CDK7: variants seen among roughly 807,000 people sequenced by gnomAD.
CDK7 encodes cyclin-dependent kinase 7.
A neutral mutation model predicts 49.1 loss-of-function variants in CDK7; 25 were observed. The observed-to-expected ratio is 0.51, with a 90% CI of 0.37 to 0.71. The LOEUF (loss-of-function observed/expected upper bound fraction) is 0.71, where lower values mean the gene tolerates loss of function less well. Ranked by LOEUF, CDK7 falls within the 30% of genes least tolerant of loss-of-function variation. CDK7 has a pLI of 0.00. For synonymous variants in CDK7, 107 were observed against 140.0 expected (o/e 0.76, Z 1.67); for missense variants, 316 against 411.7 (o/e 0.77, Z 2.01).
intron 7 of CDK7, 83 bp from the exon 8 acceptor site, chr5:69,262,122 C>T: frequency 6.4e-7 from 1 of 1,564,194 alleles, no homozygotes; most frequent in South Asian, 1.1e-5. Flanking sequence ...AAACAGAAAA[C>T]AGACAAGGAT....
intron 2 of CDK7, among the ~76,000 whole-genome samples, chr5:69,243,824 T>C (rs1749538243): frequency 7.6e-6 from 1 of 130,760 alleles, no homozygotes; most frequent in Non-Finnish European, 1.6e-5. Context: ...CCAATGATAG[T>C]TGTTTTTTTT....
In CDK7 at chr5:69,251,120, C is replaced by CAA. The variant is rs913188028; in HGVS notation, c.127-1297_127-1296insAA. Among the ~76,000 whole-genome samples, 5 of 140,348 alleles carry CAA rather than the reference C, an allele frequency of 3.6e-5. No individual in the cohort carries two copies. In the Admixed American group the frequency reaches 3.8e-4, roughly 11 times the overall value. The allele number at this position is 140,348 out of a possible 152,430, so 92.1% of individuals were successfully genotyped here. On this transcript the variant is annotated intron_variant, in intron 2 of 11. Coordinates refer to ENST00000256443, the MANE Select transcript of CDK7 (RefSeq NM_001799.4). ...AACTTTTTTTTTTTTTTTTTCGAGA[C>CAA]AGAGTCTCGCTCTGTCACCCAGGCT...
At position 69,272,880 on chromosome 5, in the gene CDK7, T is replaced by C. The variant is rs1358541987; in HGVS notation, c.715-12T>C. ...TAATCCTTAAGTTTGAATTACAAAA[T>C]TATTTTTACAGGACATGTGTAGTCT... is the stretch of plus-strand genomic sequence containing the variant. On this transcript the variant is annotated splice_polypyrimidine_tract_variant and intron_variant, in intron 9 of 11. Coordinates refer to ENST00000256443, the MANE Select transcript of CDK7 (RefSeq NM_001799.4). The C allele has an allele frequency of 1.3e-6, 2 of 1,543,048 alleles. No individual in the cohort carries two copies. The highest frequency in any genetic ancestry group is 2.5e-5 in the South Asian group (2 of 79,580).
At position 69,234,980 on chromosome 5, in the gene CDK7, C is replaced by A; in HGVS notation, c.5C>A (p.Ala2Asp). 3.1e-6 allele frequency: 5 copies of A among 1,596,298 alleles called. No individual in the cohort carries two copies. Among genetic ancestry groups the A allele is most frequent in the Non-Finnish European group, 4.3e-6 (5 of 1,171,802 alleles). Residue 2 changes from alanine (A) to aspartate (D), a missense_variant, in exon 1 of 12, where the codon GCT (alanine) becomes GAT (aspartate). Coordinates refer to ENST00000256443, the MANE Select transcript of CDK7 (RefSeq NM_001799.4). ...AGTCGGGCTTTACGGCGCCGGATGG[C>A]TCTGGACGTGAAGTCTCGGGCAAAG... M[A>D]LDVKSRAKRY...
intron 2 of CDK7, among the ~76,000 whole-genome samples, chr5:69,247,488 T>A (rs928089627): frequency 6.6e-6 from 1 of 151,592 alleles, no homozygotes; most frequent in Admixed American, 6.6e-5. Context: ...GTGCTTCTTG[T>A]AGGCAACAGA....
chr5:69,243,389 A>C (rs1749511341), intron 2 of CDK7, among the ~76,000 whole-genome samples: 2 of 152,212 alleles, frequency 1.3e-5, no homozygotes, highest in African/African-American at 4.8e-5. Context: ...CATTTATTGA[A>C]GAAACTGTCT....
chr5:69,247,729 TA>T (rs1374011719), intron 2 of CDK7, among the ~76,000 whole-genome samples: 3 of 152,210 alleles, frequency 2.0e-5, no homozygotes, highest in Non-Finnish European at 4.4e-5. Flanking sequence ...TCTTAATTTT[TA>T]TTTTTTTGTG....
intron 3 of CDK7, 39 bp downstream of exon 3, chr5:69,252,490 T>C (rs771855761): frequency 2.1e-6 from 2 of 971,396 alleles, no homozygotes; most frequent in Admixed American, 2.9e-5. Context: ...GGAAAAGTTT[T>C]CTCCTTTTTT....
chr5:69,264,438 G>C (rs949420757), intron 8 of CDK7, among the ~76,000 whole-genome samples: 2 of 152,152 alleles, frequency 1.3e-5, no homozygotes, highest in Non-Finnish European at 2.9e-5. Flanking sequence ...CCAGCTACGT[G>C]CGAGGCTGAG....
In CDK7 at chr5:69,262,274, T is replaced by C. The variant is rs1750876281; in HGVS notation, c.597T>C (p.Val199=). 6.2e-7 allele frequency: 1 copy of C among 1,614,076 alleles called. No homozygotes were observed. Among genetic ancestry groups the C allele is most frequent in the East Asian group, 2.2e-5 (1 of 44,902 alleles). ...GTGTAGGTGTGGACATGTGGGCTGT[T>C]GGCTGTATATTAGCAGAGTTACTTC... The part of the protein sequence containing the change: ...MYGVGVDMWA[V]GCILAELLLR... Residue 199 remains valine, a synonymous_variant, in exon 8 of 12, where the codon GTT becomes GTC. Coordinates refer to ENST00000256443, the MANE Select transcript of CDK7 (RefSeq NM_001799.4).
intron 2 of CDK7, among the ~76,000 whole-genome samples, chr5:69,241,321 T>G (rs960203729): frequency 3.7e-5 from 5 of 134,240 alleles, no homozygotes; most frequent in East Asian, 4.2e-4. Context: ...TTTCTTTTTT[T>G]TTTTTTTTTT....
At chr5:69,252,386 A>G (rs767390010) in intron 2 of CDK7, 32 bp from the exon 3 acceptor site, 20 of 1,314,646 alleles carry the variant, frequency 1.5e-5, no homozygotes, top group Non-Finnish European at 2.0e-5. Context: ...ACACATTTTT[A>G]ATATATTTGG....
intron 2 of CDK7, chr5:69,250,938 G>C: frequency 8.8e-6 from 4 of 453,188 alleles, no homozygotes; most frequent in South Asian, 6.2e-5. Flanking sequence ...GGGTTTTTTT[G>C]TTTGTTAGAA....
At chr5:69,245,461 C>T (rs542531854) in intron 2 of CDK7, among the ~76,000 whole-genome samples, 61 of 152,018 alleles carry the variant, frequency 4.0e-4, no homozygotes, top group African/African-American at 1.4e-3. Context: ...CTGCCTCAGC[C>T]TCCCAAGTAG....
chr5:69,268,223 A>T (rs1348987529), intron 8 of CDK7, among the ~76,000 whole-genome samples: 1 of 152,034 alleles, frequency 6.6e-6, no homozygotes, highest in African/African-American at 2.4e-5. Context: ...TGCTCTTTCC[A>T]TGTGGTCTAG....
intron 2 of CDK7, among the ~76,000 whole-genome samples, chr5:69,236,954 C>CTTT (rs4053029): frequency 4.0e-3 from 332 of 83,084 alleles, no homozygotes; most frequent in East Asian, 0.015. Context: ...GCCTGGCCTT[C>CTTT]TTTTTTTTTT....
intron 2 of CDK7, among the ~76,000 whole-genome samples, chr5:69,248,802 C>CGT (rs551598193): frequency 1.2e-4 from 11 of 92,276 alleles, no homozygotes; most frequent in Admixed American, 8.4e-4. Flanking sequence ...TTTTTTTTTT[C>CGT]TTTTTTTTTT....
At chr5:69,254,919 C>T (rs553768630) in intron 4 of CDK7, among the ~76,000 whole-genome samples, 2 of 152,308 alleles carry the variant, frequency 1.3e-5, no homozygotes, top group South Asian at 4.1e-4. Flanking sequence ...GGAGCTCTAG[C>T]ATGTAGTGGC....
In CDK7 at chr5:69,269,306, G is replaced by A. The variant is rs748678370; in HGVS notation, c.714+13G>A. Reference sequence around the variant, plus strand: ...GGAACAGTGGCCGGTAAGCCTTTATGCATTTTCTTTGAAATGTAATTAGGA... The same window carrying A: ...GGAACAGTGGCCGGTAAGCCTTTATACATTTTCTTTGAAATGTAATTAGGA... On this transcript the variant is annotated intron_variant, in intron 9 of 11. Transcript: ENST00000256443. 5 of 1,583,070 alleles carry A rather than the reference G, an allele frequency of 3.2e-6. No homozygotes were observed.
Sources: gnomAD v4.1 joint callset for allele counts (sites outside exome capture counted in the v4.1 genomes callset) on GRCh38, gnomAD v4.1.1 for gene constraint, MANE v1.5 for transcripts, NCBI Gene and HGNC (gene_info 2026-07-23, HGNC 2026-07-21) for gene names.